The following RHBDD1 variants were observed in gnomAD, a reference collection of about 807,000 sequenced individuals.
The protein encoded by RHBDD1 is rhomboid domain containing 1.
Under a neutral mutation model 36.3 loss-of-function variants are expected in RHBDD1, and 38 were observed. That is an observed-to-expected ratio of 1.05 (90% CI 0.81 to 1.37). RHBDD1 has a LOEUF of 1.37. RHBDD1 is among the 40% of genes most tolerant of loss of function. RHBDD1 has a pLI of 0.00. For missense variants in RHBDD1, 393 were observed against 377.6 expected (o/e 1.04, Z -0.34); for synonymous variants, 151 against 136.5 (o/e 1.11, Z -0.74).
chr2:226,829,712 T>TA, the RHBDD1 span, among the ~76,000 whole-genome samples: 2 of 152,204 alleles, frequency 1.3e-5, no homozygotes, highest in African/African-American at 4.8e-5. Context: ...GAGACTGTGC[T>TA]AAACTTATTA....
At chr2:226,978,335 TG>T (rs915700445) in intron 8 of RHBDD1, among the ~76,000 whole-genome samples, 30 of 152,332 alleles carry the variant, frequency 2.0e-4, no homozygotes, top group African/African-American at 7.0e-4. Context: ...TCTAATTTTT[TG>T]CCAAGCCACT....
At chr2:226,825,859 C>T in the RHBDD1 span, among the ~76,000 whole-genome samples, 6 of 152,144 alleles carry the variant, frequency 3.9e-5, no homozygotes, top group Non-Finnish European at 5.9e-5. Flanking sequence ...AAAATGGAGA[C>T]GAAGTGCCTC....
At chr2:226,900,506 T>G (rs1371595137) in intron 5 of RHBDD1, among the ~76,000 whole-genome samples, 1 of 152,192 alleles carries the variant, frequency 6.6e-6, no homozygotes, top group Non-Finnish European at 1.5e-5. Context: ...ACTATTAAGC[T>G]AACAGAAGAA....
At chr2:226,889,622 T>C (rs532812456) in intron 5 of RHBDD1, among the ~76,000 whole-genome samples, 19 of 152,222 alleles carry the variant, frequency 1.2e-4, no homozygotes, top group Non-Finnish European at 2.6e-4. Flanking sequence ...GGTCAAAACA[T>C]ATTGTTAGAC....
chr2:226,970,790 G>A (rs1028442932), intron 8 of RHBDD1, among the ~76,000 whole-genome samples: 3 of 152,150 alleles, frequency 2.0e-5, no homozygotes, highest in Non-Finnish European at 1.5e-5. Flanking sequence ...TCAGGGATGC[G>A]ACTTTCTTCA....
chr2:226,958,702 CTGTGTGTGTGTG>C lies in RHBDD1; in HGVS notation c.857-36697_857-36686del, dbSNP rs10666758. 2.2e-3 allele frequency among the ~76,000 whole-genome samples: 300 copies of C among 138,936 alleles called. 1 individual carries two copies. The highest frequency in any genetic ancestry group is 6.7e-3 in the African/African-American group (249 of 37,200). 91.1% of individuals were successfully genotyped at this position (138,936 alleles called of 152,430 possible). ...TTTGAGTTTAGGATGAAGGATTTTT[CTGTGTGTGTGTG>C]TGTGTGTGTGTGTGTGTGTGTGTGT... On this transcript the variant is annotated intron_variant, in intron 8 of 8. Transcript: ENST00000392062.
rs920420866 is a variant in RHBDD1 at position 226,836,090 on chromosome 2, G to C, written c.-392+3G>C. The C allele has an allele frequency of 1.3e-5, 2 of 152,758 alleles. No homozygotes were observed. Among genetic ancestry groups the C allele is most frequent in the Non-Finnish European group, 2.9e-5 (2 of 68,102 alleles). The allele number at this position is 152,758 out of a possible 1,614,324, so 9.5% of individuals were successfully genotyped here. ...GACGCAGGCGGGTCGTAGAGAGCGTGAGTTTCCGCGTCTGTTTGGTCCGGC... is the reference window on the plus strand; with the variant it reads ...GACGCAGGCGGGTCGTAGAGAGCGTCAGTTTCCGCGTCTGTTTGGTCCGGC... On this transcript the variant is annotated splice_donor_region_variant and intron_variant, in intron 1 of 8. Transcript: ENST00000392062.
chr2:226,882,245 C>T (rs1945804451), intron 5 of RHBDD1, among the ~76,000 whole-genome samples: 1 of 152,002 alleles, frequency 6.6e-6, no homozygotes, highest in East Asian at 1.9e-4. Context: ...GCCTGGCCAA[C>T]ATGGTGAAAC....
chr2:226,932,766 A>G (rs765098437), intron 8 of RHBDD1, among the ~76,000 whole-genome samples: 1 of 151,966 alleles, frequency 6.6e-6, no homozygotes, highest in Non-Finnish European at 1.5e-5. Context: ...TGGCCTTCTC[A>G]GTGTTCTTGC....
chr2:226,869,059 G>A (rs1944568409), intron 5 of RHBDD1: 1 of 458,694 alleles, frequency 2.2e-6, no homozygotes. Flanking sequence ...CTTTCATCCT[G>A]TGATGAATCC....
the RHBDD1 span, among the ~76,000 whole-genome samples, chr2:226,801,831 A>C: frequency 1.3e-5 from 2 of 152,144 alleles, no homozygotes; most frequent in Non-Finnish European, 2.9e-5. Flanking sequence ...CTAGACAAGA[A>C]AAAAGAGAGA....
At chr2:226,964,337 T>G (rs768502576) in intron 8 of RHBDD1, among the ~76,000 whole-genome samples, 1 of 152,212 alleles carries the variant, frequency 6.6e-6, no homozygotes, top group African/African-American at 2.4e-5. Context: ...CTTCCCCAAA[T>G]TTACTTAACA....
At chr2:226,935,649 A>G (rs1454642368) in intron 8 of RHBDD1, among the ~76,000 whole-genome samples, 1 of 151,654 alleles carries the variant, frequency 6.6e-6, no homozygotes, top group East Asian at 1.9e-4. Flanking sequence ...TTTTTTTTAT[A>G]ATGAAGGAAT....
chr2:226,940,316 A>G (rs1161331257), intron 8 of RHBDD1, among the ~76,000 whole-genome samples: 1 of 152,192 alleles, frequency 6.6e-6, no homozygotes, highest in African/African-American at 2.4e-5. Context: ...GATCTAAAAG[A>G]GCTTCTGCAC....
intron 3 of RHBDD1, among the ~76,000 whole-genome samples, chr2:226,840,488 C>T (rs979541844): frequency 3.2e-4 from 49 of 152,200 alleles, no homozygotes; most frequent in Non-Finnish European, 4.4e-5. Flanking sequence ...CTTGGTGATG[C>T]ACTGCACGCT....
At chr2:226,832,690 C>T (rs1455844348), upstream of RHBDD1, among the ~76,000 whole-genome samples, 1 of 152,166 alleles carries the variant, frequency 6.6e-6, no homozygotes, top group Non-Finnish European at 1.5e-5. Context: ...AATGTATTGA[C>T]CCTCTTATCA....
At chr2:226,936,517 C>T (rs1174293354) in intron 8 of RHBDD1, among the ~76,000 whole-genome samples, 2 of 152,014 alleles carry the variant, frequency 1.3e-5, no homozygotes, top group African/African-American at 4.8e-5. Flanking sequence ...ACCACCTACC[C>T]CCATAATAAT....
intron 3 of RHBDD1, among the ~76,000 whole-genome samples, chr2:226,842,885 A>T (rs1439244316): frequency 6.6e-6 from 1 of 152,150 alleles, no homozygotes; most frequent in African/African-American, 2.4e-5. Flanking sequence ...CGTTTTCATG[A>T]TATTGATTCT....
chr2:226,958,716 G>T (rs1002931687), intron 8 of RHBDD1, among the ~76,000 whole-genome samples: 11 of 145,430 alleles, frequency 7.6e-5, no homozygotes, highest in African/African-American at 3.0e-4. Flanking sequence ...GTGTGTGTGT[G>T]TGTGTGTGTG....
Sources: allele counts gnomAD v4.1 joint callset (sites outside exome capture counted in the v4.1 genomes callset), GRCh38; gene constraint gnomAD v4.1.1; transcripts MANE v1.5; gene names NCBI Gene and HGNC (gene_info 2026-07-23, HGNC 2026-07-21).